The following STX2 variants were observed in gnomAD, a reference collection of about 807,000 sequenced individuals.
The protein encoded by STX2 is syntaxin 2.
A neutral mutation model predicts 40.6 loss-of-function variants in STX2; 27 were observed. The ratio of observed to expected loss-of-function variants is 0.66; its 90% CI spans 0.49 to 0.92. STX2 has a LOEUF of 0.92. Ranked by LOEUF, STX2 falls within the 40% of genes least tolerant of loss-of-function variation. The pLI, the probability that STX2 is intolerant of heterozygous loss-of-function variation, is 0.00. For missense variants in STX2, 328 were observed against 366.1 expected, an observed-to-expected ratio of 0.90 and a Z score of 0.85; for synonymous variants, 123 against 119.1, an observed-to-expected ratio of 1.03 and a Z score of -0.22.
intron 9 of STX2, 88 bp downstream of exon 9, chr12:130,798,437 A>C: frequency 1.3e-6 from 1 of 745,704 alleles, no homozygotes; most frequent in Admixed American, 3.1e-5. Flanking sequence ...TTCTTGGAAT[A>C]CCTTTTAGGC....
intron 4 of STX2, chr12:130,812,237 A>G (rs1299491232): frequency 1.6e-5 from 6 of 369,136 alleles, no homozygotes; most frequent in African/African-American, 8.7e-5. Context: ...CTATTAAGTA[A>G]TTATAATGAA....
At chr12:130,826,071 C>T (rs1177250751) in intron 2 of STX2, among the ~76,000 whole-genome samples, 1 of 152,218 alleles carries the variant, frequency 6.6e-6, no homozygotes, top group Non-Finnish European at 1.5e-5. Flanking sequence ...CAGGCCGCCA[C>T]ATTTTAAAAT....
intron 1 of STX2, among the ~76,000 whole-genome samples, chr12:130,828,393 T>C (rs1159051565): frequency 8.5e-5 from 3 of 35,350 alleles, no homozygotes; most frequent in Non-Finnish European, 3.3e-4. Context: ...ACACCCGGCT[T>C]TTTTTTTTTT....
At position 130,825,668 on chromosome 12, in the gene STX2, G is replaced by A. The variant is rs566293198; in HGVS notation, c.105+1525C>T. On this transcript the variant is annotated intron_variant, in intron 2 of 10. Transcript: ENST00000392373. ...CTAGAAAACCAGTGACTAGGCTTAC[G>A]TGAGATATTCAAGAAATTCTGGCTG... is the stretch of plus-strand genomic sequence containing the variant. Among the ~76,000 whole-genome samples the A allele has an allele frequency of 7.2e-5, 11 of 152,298 alleles. No homozygotes were observed. The South Asian group carries it at 2.1e-3, about 29-fold the overall frequency.
intron 2 of STX2, among the ~76,000 whole-genome samples, chr12:130,822,600 A>T (rs1952156832): frequency 6.6e-6 from 1 of 152,044 alleles, no homozygotes; most frequent in African/African-American, 2.4e-5. Flanking sequence ...ATCTTCAAAA[A>T]CCTCTACGGC....
intron 4 of STX2, among the ~76,000 whole-genome samples, chr12:130,809,538 C>T (rs753659114): frequency 2.0e-5 from 3 of 152,044 alleles, no homozygotes; most frequent in Admixed American, 2.0e-4. Flanking sequence ...ACAGAGGAGC[C>T]GGGTGCAGTG....
rs759457920 is a variant in STX2 at position 130,801,404 on chromosome 12, C to A, written c.537+11G>T. On this transcript the variant is annotated intron_variant, in intron 7 of 10. Transcript: ENST00000392373. ...GAGGACATGGAGCCACAGGGCCGCA[C>A]CCCCACTCACGTCGGAAGTGAAGAT... 4 of 1,605,770 alleles carry A rather than the reference C, an allele frequency of 2.5e-6. No homozygotes were observed. The highest frequency in any genetic ancestry group is 1.7e-4 in the Middle Eastern group (1 of 6,036).
chr12:130,819,195 C>CGG (rs1401551184), intron 3 of STX2, among the ~76,000 whole-genome samples: 1 of 152,162 alleles, frequency 6.6e-6, no homozygotes, highest in Non-Finnish European at 1.5e-5. Flanking sequence ...CTGAGGTTGA[C>CGG]GGGGGACCTC....
intron 1 of STX2, among the ~76,000 whole-genome samples, chr12:130,833,884 C>A (rs1330452764): frequency 6.6e-6 from 1 of 152,194 alleles, no homozygotes; most frequent in Non-Finnish European, 1.5e-5. Context: ...TGCTCTGGAT[C>A]AGGCACCATG....
intron 10 of STX2, among the ~76,000 whole-genome samples, chr12:130,794,523 T>G (rs1950970791): frequency 6.6e-6 from 1 of 152,198 alleles, no homozygotes; most frequent in South Asian, 2.1e-4. Context: ...TTTGAGATGG[T>G]CTCGCTCTGT....
intron 10 of STX2, among the ~76,000 whole-genome samples, chr12:130,795,489 T>G (rs1407671942): frequency 6.6e-6 from 1 of 152,196 alleles, no homozygotes; most frequent in Non-Finnish European, 1.5e-5. Flanking sequence ...CTCATGTCTA[T>G]GTATAATCCC....
At position 130,805,010 on chromosome 12, in the gene STX2, T is replaced by TC. The variant is rs978195870; in HGVS notation, c.463+1971dup. ...CTGCAGGAGAGATGGTGCGGGGCCT[T>TC]CAAGCCCAGGCTGGGGAACTCTGTG... On this transcript the variant is annotated intron_variant, in intron 6 of 10. Coordinates refer to ENST00000392373, the MANE Select transcript of STX2 (RefSeq NM_194356.4). Among the ~76,000 whole-genome samples the TC allele has an allele frequency of 8.5e-5, 13 of 152,240 alleles. No individual in the cohort carries two copies. The East Asian group carries it at 1.4e-3, about 16-fold the overall frequency.
chr12:130,810,412 G>C (rs1034250059), intron 4 of STX2, among the ~76,000 whole-genome samples: 7 of 152,134 alleles, frequency 4.6e-5, no homozygotes, highest in East Asian at 3.9e-4. Flanking sequence ...AGGAAAGAAT[G>C]GTCAGGTCAT....
intron 6 of STX2, among the ~76,000 whole-genome samples, chr12:130,803,802 G>A (rs979166022): frequency 1.3e-5 from 2 of 151,914 alleles, no homozygotes; most frequent in South Asian, 2.1e-4. Flanking sequence ...GTATACATTC[G>A]TAATTCCTTA....
intron 2 of STX2, 53 bp from the exon 3 acceptor site, chr12:130,821,841 T>C: frequency 1.8e-6 from 2 of 1,137,072 alleles, no homozygotes; most frequent in South Asian, 2.6e-5. Flanking sequence ...CTGTGACCAC[T>C]TTTCATCCCC....
chr12:130,825,240 T>C (rs1392458913), intron 2 of STX2, among the ~76,000 whole-genome samples: 17 of 152,132 alleles, frequency 1.1e-4, no homozygotes, highest in Admixed American at 1.1e-3. Context: ...TTTTGGCACA[T>C]TGGCCTGGCT....
At chr12:130,807,483 C>T (rs1324221609) in intron 5 of STX2, among the ~76,000 whole-genome samples, 2 of 150,006 alleles carry the variant, frequency 1.3e-5, no homozygotes, top group Non-Finnish European at 3.0e-5. Context: ...CGTGCTTCAT[C>T]GCCTTGTGCC....
At chr12:130,821,018 G>A (rs1296978904) in intron 3 of STX2, among the ~76,000 whole-genome samples, 1 of 152,136 alleles carries the variant, frequency 6.6e-6, no homozygotes, top group East Asian at 1.9e-4. Flanking sequence ...CCCTAACGCT[G>A]AGTTAATTTA....
At chr12:130,826,922 T>TC (rs1407482729) in intron 2 of STX2, among the ~76,000 whole-genome samples, 1 of 151,130 alleles carries the variant, frequency 6.6e-6, no homozygotes. Flanking sequence ...CGCAAGAGAA[T>TC]CACTTGAACC....
Sources: gnomAD v4.1 joint callset for allele counts (sites outside exome capture counted in the v4.1 genomes callset) on GRCh38, gnomAD v4.1.1 for gene constraint, MANE v1.5 for transcripts, NCBI Gene and HGNC (gene_info 2026-07-23, HGNC 2026-07-21) for gene names.